The following GCNT4 variants were observed in gnomAD, a reference collection of about 807,000 sequenced individuals.
The protein encoded by GCNT4 is glucosaminyl (N-acetyl) transferase 4, also known as beta-1,3-galactosyl-O-glycosyl-glycoprotein beta-1,6-N-acetylglucosaminyltransferase 4.
GCNT4 carries 17 observed loss-of-function variants against 31.3 expected under a neutral mutation model. The ratio of observed to expected loss-of-function variants is 0.54; its 90% CI spans 0.37 to 0.81. The LOEUF is 0.81. Among genes scored for constraint, GCNT4 ranks in the 40% least tolerant of loss-of-function variants. The pLI is 0.00. For missense variants in GCNT4, 503 were observed against 525.5 expected, an observed-to-expected ratio of 0.96 and a Z score of 0.42; for synonymous variants, 158 against 190.6, an observed-to-expected ratio of 0.83 and a Z score of 1.41.
chr5:75,036,004 G>T (rs527646653), intron 3 of GCNT4, among the ~76,000 whole-genome samples: 6 of 152,238 alleles, frequency 3.9e-5, no homozygotes, highest in African/African-American at 1.4e-4. Context: ...TATATGCAGA[G>T]GATTCATTCC....
chr5:75,029,232 T>C lies in GCNT4; in HGVS notation c.806A>G (p.His269Arg). The change falls in exon 4 of 4, where the codon CAT (histidine) becomes CGT (arginine). Residue 269 changes from histidine (H) to arginine (R), a missense_variant. Coordinates refer to ENST00000652361, the MANE Select transcript of GCNT4 (RefSeq NM_001366737.1). ...TTCATAAGGCACCCGTCTAAGTTCA[T>C]GATGGTAAGTGAATCTTTCCAATTT... ...NSKLERFTYH[H>R]ELRRVPYEYV... is the part of the protein sequence containing the mutation. 1 of 1,614,166 alleles carries C rather than the reference T, an allele frequency of 6.2e-7. No individual in the cohort carries two copies.
chr5:75,025,291 A>G (rs145173700), downstream of GCNT4: 16 of 152,390 alleles, frequency 1.0e-4, no homozygotes, highest in African/African-American at 3.8e-4. Context: ...AACTGAAAGA[A>G]TCTTTGTGGG....
At chr5:75,019,432 G>C in the GCNT4 span, among the ~76,000 whole-genome samples, 1 of 152,144 alleles carries the variant, frequency 6.6e-6, no homozygotes, top group African/African-American at 2.4e-5. Context: ...ATATTAATAG[G>C]CATTTGTCTG....
intron 3 of GCNT4, among the ~76,000 whole-genome samples, chr5:75,040,848 T>C (rs1345337894): frequency 6.6e-6 from 1 of 152,246 alleles, no homozygotes; most frequent in Non-Finnish European, 1.5e-5. Context: ...TTTGTTAATA[T>C]CTGGAGTATA....
chr5:75,030,029 T>A lies in GCNT4; in HGVS notation c.9A>T (p.Ile3=). 1 of 1,593,568 alleles carries A rather than the reference T, an allele frequency of 6.3e-7. No individual in the cohort carries two copies. Among genetic ancestry groups the A allele is most frequent in the Non-Finnish European group, 8.5e-7 (1 of 1,172,146 alleles). The change falls in exon 4 of 4, where the codon ATA becomes ATT. Residue 3 remains isoleucine, a synonymous_variant. Transcript: ENST00000652361. ...GGGTATGTTTAAAATAACATTTGAA[T>A]ATCTTCATTCTGTAAGAGGAGAAAG... MK[I]FKCYFKHTLQ...
At chr5:75,051,314 T>C (rs879652977) in intron 2 of GCNT4, among the ~76,000 whole-genome samples, 20 of 152,378 alleles carry the variant, frequency 1.3e-4, no homozygotes, top group East Asian at 3.9e-4. Context: ...GCTGTTCACA[T>C]TGGGACAGTT....
chr5:75,026,818 C>T lies in GCNT4; in HGVS notation c.*1858G>A, dbSNP rs1014087629. ...ATCTTTTGCAGAACTTGGCTCTATA[C>T]AATGTTTACTTATTTTGAAGAATGG... On this transcript the variant is annotated 3_prime_UTR_variant, in exon 4 of 4. Coordinates refer to ENST00000652361, the MANE Select transcript of GCNT4 (RefSeq NM_001366737.1). 1.3e-5 allele frequency: 2 copies of T among 151,906 alleles called. No homozygotes were observed. Among genetic ancestry groups the T allele is most frequent in the Non-Finnish European group, 2.9e-5 (2 of 68,000 alleles). 9.4% of individuals were successfully genotyped at this position (151,906 alleles called of 1,614,324 possible).
intron 3 of GCNT4, among the ~76,000 whole-genome samples, chr5:75,033,581 A>G (rs1743124024): frequency 6.6e-6 from 1 of 152,178 alleles, no homozygotes; most frequent in Non-Finnish European, 1.5e-5. Flanking sequence ...TGAAAGGAGC[A>G]GCCCTCTCCA....
rs547466422 is a variant in GCNT4 at position 75,026,647 on chromosome 5, C to CAAAAAAAAAAA, written c.*2018_*2028dup. 6.1e-5 allele frequency: 4 copies of CAAAAAAAAAAA among 65,782 alleles called. No individual in the cohort carries two copies. The highest frequency in any genetic ancestry group is 1.6e-4 in the African/African-American group (3 of 19,170). 4.1% of individuals were successfully genotyped at this position (65,782 alleles called of 1,614,324 possible). On this transcript the variant is annotated 3_prime_UTR_variant, in exon 4 of 4. Transcript: ENST00000652361. Reference sequence around the variant, plus strand: ...CATATACTATTTCAATCGATTCTCACAAAAAAAAAAAAAAAAAAAAAAAAA... The same window carrying CAAAAAAAAAAA: ...CATATACTATTTCAATCGATTCTCACAAAAAAAAAAAAAAAAAAAAAAAAAAAAAAAAAAAA...
Position 75,026,004 on chromosome 5 carries a change from T to C in GCNT4, c.*2672A>G, listed in dbSNP as rs1218075807. On this transcript the variant is annotated 3_prime_UTR_variant, in exon 4 of 4. Transcript: ENST00000652361. Reference sequence around the variant, plus strand: ...AAAGGTTTTAGGGAAGAATCAGATATGAAGGCGTACAGGAAATCTGTAGGA... The same window carrying C: ...AAAGGTTTTAGGGAAGAATCAGATACGAAGGCGTACAGGAAATCTGTAGGA... 3.3e-5 allele frequency: 5 copies of C among 152,156 alleles called. No homozygotes were observed. The East Asian group carries it at 7.7e-4, about 23-fold the overall frequency. The allele number at this position is 152,156 out of a possible 1,614,324, so 9.4% of individuals were successfully genotyped here.
rs1299247358 is a variant in GCNT4, at chr5:75,028,623, C to T, written c.*53G>A. On this transcript the variant is annotated 3_prime_UTR_variant, in exon 4 of 4. Transcript: ENST00000652361. ...ATTGGGCATAGTATGGTATTCAATT[C>T]CACACTGACTCCATTTATCAGGCAC... 12 of 1,518,004 alleles carry T rather than the reference C, an allele frequency of 7.9e-6. No individual in the cohort carries two copies. Among genetic ancestry groups the T allele is most frequent in the South Asian group, 1.3e-5 (1 of 78,778 alleles). 94.0% of individuals were successfully genotyped at this position (1,518,004 alleles called of 1,614,324 possible). A position where few individuals can be genotyped will look rare whatever the true frequency, so the allele number is the denominator to read the frequency against.
In GCNT4 at chr5:75,028,611, T is replaced by C. The variant is rs542574598; in HGVS notation, c.*65A>G. 4.9e-6 allele frequency: 7 copies of C among 1,418,220 alleles called. No homozygotes were observed. In the East Asian group the frequency reaches 9.1e-5, roughly 18 times the overall value. 87.9% of individuals were successfully genotyped at this position (1,418,220 alleles called of 1,614,324 possible). On this transcript the variant is annotated 3_prime_UTR_variant, in exon 4 of 4. Coordinates refer to ENST00000652361, the MANE Select transcript of GCNT4 (RefSeq NM_001366737.1). Reference sequence around the variant, plus strand: ...AGTTTAAACAGTATTGGGCATAGTATGGTATTCAATTCCACACTGACTCCA... The same window carrying C: ...AGTTTAAACAGTATTGGGCATAGTACGGTATTCAATTCCACACTGACTCCA...
At chr5:75,037,338 T>C (rs1049889119) in intron 3 of GCNT4, among the ~76,000 whole-genome samples, 5 of 151,862 alleles carry the variant, frequency 3.3e-5, no homozygotes, top group Admixed American at 6.6e-5. Context: ...TGCAGAGGAG[T>C]GGAAAGACAG....
intron 3 of GCNT4, among the ~76,000 whole-genome samples, chr5:75,043,818 A>G (rs1279881690): frequency 6.6e-6 from 1 of 152,234 alleles, no homozygotes; most frequent in Admixed American, 6.5e-5. Context: ...TCCAGGAGCC[A>G]AATTAAATTT....
intron 3 of GCNT4, among the ~76,000 whole-genome samples, chr5:75,033,733 T>C (rs1317142312): frequency 2.6e-5 from 4 of 151,914 alleles, no homozygotes; most frequent in South Asian, 2.1e-4. Context: ...GTTTCTTACA[T>C]AGGTATACAC....
At chr5:75,052,315 G>A (rs1029582662) in intron 1 of GCNT4, 88 bp from the exon 2 acceptor site, 5 of 151,180 alleles carry the variant, frequency 3.3e-5, no homozygotes, top group African/African-American at 1.2e-4. Flanking sequence ...TCGCCTCTCT[G>A]CCTGCCCAAC....
At chr5:75,043,342 T>C (rs1743361783) in intron 3 of GCNT4, among the ~76,000 whole-genome samples, 2 of 152,216 alleles carry the variant, frequency 1.3e-5, no homozygotes. Flanking sequence ...CATATGGCTC[T>C]GGTAGAGAGC....
At chr5:75,036,238 T>C (rs1422230730) in intron 3 of GCNT4, among the ~76,000 whole-genome samples, 1 of 152,184 alleles carries the variant, frequency 6.6e-6, no homozygotes, top group Admixed American at 6.5e-5. Flanking sequence ...TTATTAATAA[T>C]GTAGAATCAC....
At chr5:75,033,379 G>A (rs1743118733) in intron 3 of GCNT4, among the ~76,000 whole-genome samples, 2 of 152,192 alleles carry the variant, frequency 1.3e-5, no homozygotes, top group Admixed American at 1.3e-4. Flanking sequence ...GAGGTGGGAG[G>A]CACCCAGTGA....
Sources: allele counts gnomAD v4.1 joint callset (sites outside exome capture counted in the v4.1 genomes callset), GRCh38; gene constraint gnomAD v4.1.1; transcripts MANE v1.5; gene names NCBI Gene and HGNC (gene_info 2026-07-23, HGNC 2026-07-21).